The following TNPO3 variants were observed in gnomAD, a reference collection of about 807,000 sequenced individuals.
The protein encoded by TNPO3 is transportin-3.
TNPO3 carries 65 observed loss-of-function variants against 122.8 expected under a neutral mutation model. The observed-to-expected ratio is 0.53, with a 90% CI of 0.43 to 0.65. TNPO3 has a LOEUF of 0.65. TNPO3 is among the 30% of genes least tolerant of loss of function. TNPO3 has a pLI of 0.00. For synonymous variants in TNPO3, 372 were observed against 411.2 expected, an observed-to-expected ratio of 0.90 and a Z score of 1.15; for missense variants, 850 against 1,136.7, an observed-to-expected ratio of 0.75 and a Z score of 3.63.
intron 16 of TNPO3, among the ~76,000 whole-genome samples, chr7:128,977,139 GATTTTTTA>G (rs1318976378): frequency 7.2e-5 from 11 of 151,928 alleles, no homozygotes; most frequent in Non-Finnish European, 1.6e-4. Flanking sequence ...TGAGTTAAGG[GATTTTTTA>G]AGGATAATTT....
intron 1 of TNPO3, chr7:129,041,450 A>T (rs1807371436): frequency 1.5e-6 from 1 of 663,630 alleles, no homozygotes; most frequent in Non-Finnish European, 1.9e-6. Context: ...ACTACAGTAC[A>T]TTGCTCATTG....
intron 1 of TNPO3, chr7:129,041,788 C>A (rs1807404932): frequency 1.0e-6 from 1 of 962,302 alleles, no homozygotes; most frequent in African/African-American, 1.8e-5. Flanking sequence ...AGTAGCAGAA[C>A]AGGCCTTTAT....
chr7:129,037,061 G>T (rs1806772157), intron 1 of TNPO3, among the ~76,000 whole-genome samples: 1 of 152,140 alleles, frequency 6.6e-6, no homozygotes, highest in African/African-American at 2.4e-5. Flanking sequence ...AGAGAAAACA[G>T]AAATCAGGAA....
chr7:129,048,905 T>C (rs1009954464), intron 1 of TNPO3, among the ~76,000 whole-genome samples: 4 of 152,222 alleles, frequency 2.6e-5, no homozygotes, highest in African/African-American at 2.4e-5. Flanking sequence ...ACTATGGGTA[T>C]TGGACTACAT....
At position 129,025,075 on chromosome 7, in the gene TNPO3, G is replaced by T. The variant is rs113745329; in HGVS notation, c.121-6918C>A. Reference sequence around the variant, plus strand: ...CATTATATAAAAAAACAGGCCGGGCGCAGTGGCTCACACCTGTAACCCCTG... The same window carrying T: ...CATTATATAAAAAAACAGGCCGGGCTCAGTGGCTCACACCTGTAACCCCTG... On this transcript the variant is annotated intron_variant, in intron 1 of 22. Coordinates refer to ENST00000265388, the MANE Select transcript of TNPO3 (RefSeq NM_012470.4). 6.9e-3 allele frequency among the ~76,000 whole-genome samples: 1,050 copies of T among 151,862 alleles called. 14 individuals carry two copies. Among genetic ancestry groups the T allele is most frequent in the African/African-American group, 0.024 (1,014 of 41,428 alleles).
intron 14 of TNPO3, among the ~76,000 whole-genome samples, chr7:128,982,019 G>A (rs537921904): frequency 6.6e-6 from 1 of 151,480 alleles, no homozygotes; most frequent in East Asian, 1.9e-4. Context: ...GTGAGCCATC[G>A]CTCCCGGCCT....
chr7:129,013,010 T>C (rs954190707), intron 4 of TNPO3, among the ~76,000 whole-genome samples: 2 of 152,164 alleles, frequency 1.3e-5, no homozygotes. Flanking sequence ...ATCTAATTTT[T>C]TAAAAAATGT....
chr7:128,983,381 T>C (rs1395306896), intron 13 of TNPO3, among the ~76,000 whole-genome samples: 1 of 152,122 alleles, frequency 6.6e-6, no homozygotes, highest in Admixed American at 6.5e-5. Flanking sequence ...TAATTTTTTG[T>C]ATTTTTAGTA....
intron 7 of TNPO3, among the ~76,000 whole-genome samples, chr7:128,998,674 C>T (rs1445795110): frequency 6.6e-6 from 1 of 151,706 alleles, no homozygotes; most frequent in Non-Finnish European, 1.5e-5. Context: ...AGGTGTGCAC[C>T]ACCACACCCA....
chr7:129,046,598 A>AAGTACT (rs1808083928), intron 1 of TNPO3, among the ~76,000 whole-genome samples: 1 of 152,220 alleles, frequency 6.6e-6, no homozygotes, highest in Non-Finnish European at 1.5e-5. Context: ...CAAAAAGGAA[A>AAGTACT]AGTACTAGCA....
chr7:129,048,288 G>A (rs1203492083), intron 1 of TNPO3, among the ~76,000 whole-genome samples: 1 of 152,032 alleles, frequency 6.6e-6, no homozygotes, highest in African/African-American at 2.4e-5. Flanking sequence ...CAGCACTTTG[G>A]GAGGCCAAGG....
In TNPO3 at chr7:128,982,437, T is replaced by C; in HGVS notation, c.1783-113A>G. The C allele has an allele frequency of 3.4e-6, 3 of 870,132 alleles. 1 individual carries two copies. In the South Asian group the frequency reaches 5.1e-5, roughly 15 times the overall value. The allele number at this position is 870,132 out of a possible 1,614,324, so 53.9% of individuals were successfully genotyped here. On this transcript the variant is annotated intron_variant, in intron 13 of 22. Transcript: ENST00000265388. ...TCTCTGCTTATTTCCTTATATAAAG[T>C]CCTAAAAGTATATAAACTCCTAAAA... is the stretch of plus-strand genomic sequence containing the variant.
At chr7:128,987,898 A>C (rs1215450241) in intron 11 of TNPO3, among the ~76,000 whole-genome samples, 1 of 151,864 alleles carries the variant, frequency 6.6e-6, no homozygotes, top group East Asian at 1.9e-4. Context: ...TGTGTTGTTA[A>C]AGGTCATTGT....
intron 1 of TNPO3, among the ~76,000 whole-genome samples, chr7:129,018,854 G>A (rs1804133932): frequency 6.6e-6 from 1 of 152,100 alleles, no homozygotes; most frequent in Non-Finnish European, 1.5e-5. Flanking sequence ...GATTAGCTAG[G>A]ATAACAGGTG....
At chr7:129,018,264 G>A (rs1325187661) in intron 1 of TNPO3, 107 bp from the exon 2 acceptor site, 1 of 1,126,890 alleles carries the variant, frequency 8.9e-7, no homozygotes, top group Non-Finnish European at 1.2e-6. Context: ...TATAAAGAAA[G>A]AAAAATCTGA....
At chr7:128,960,732 C>T (rs1797363554) in intron 21 of TNPO3, among the ~76,000 whole-genome samples, 1 of 151,654 alleles carries the variant, frequency 6.6e-6, no homozygotes, top group East Asian at 1.9e-4. Flanking sequence ...AAAAAAGTTA[C>T]AGTAAGCAAG....
chr7:129,044,796 C>A (rs1297443541), intron 1 of TNPO3, among the ~76,000 whole-genome samples: 1 of 151,976 alleles, frequency 6.6e-6, no homozygotes. Flanking sequence ...GGCAGTTCCC[C>A]CAAATAAGTA....
intron 11 of TNPO3, among the ~76,000 whole-genome samples, chr7:128,988,942 T>C (rs1020530778): frequency 6.6e-6 from 1 of 152,040 alleles, no homozygotes; most frequent in African/African-American, 2.4e-5. Flanking sequence ...GTGGGCATGG[T>C]GGCATGCACT....
At chr7:129,021,446 A>G (rs918586617) in intron 1 of TNPO3, among the ~76,000 whole-genome samples, 1 of 152,078 alleles carries the variant, frequency 6.6e-6, no homozygotes, top group Non-Finnish European at 1.5e-5. Flanking sequence ...CCAACAGTTT[A>G]GCCTTTATAA....
Sources: gnomAD v4.1 joint callset for allele counts (sites outside exome capture counted in the v4.1 genomes callset) on GRCh38, gnomAD v4.1.1 for gene constraint, MANE v1.5 for transcripts, NCBI Gene and HGNC (gene_info 2026-07-23, HGNC 2026-07-21) for gene names.